USH2A: variants seen among roughly 807,000 people sequenced by gnomAD.
USH2A encodes the protein usherin, also known as Usher syndrome 2A (autosomal recessive, mild).
A neutral mutation model predicts 538.9 loss-of-function variants in USH2A; 443 were observed. The ratio of observed to expected loss-of-function variants is 0.82; its 90% CI spans 0.76 to 0.89. The LOEUF (loss-of-function observed/expected upper bound fraction) is 0.89, where lower values mean the gene tolerates loss of function less well. Ranked by LOEUF, USH2A falls within the 40% of genes least tolerant of loss-of-function variation. The pLI is 0.00. For synonymous variants in USH2A, 2,413 were observed against 2,273.5 expected (o/e 1.06, Z -1.75); for missense variants, 6,633 against 6,324.8 (o/e 1.05, Z -1.65).
At chr1:216,202,035 T>C (rs1379804382) in intron 16 of USH2A, among the ~76,000 whole-genome samples, 1 of 152,192 alleles carries the variant, frequency 6.6e-6, no homozygotes, top group African/African-American at 2.4e-5. Context: ...TAGATTAAAG[T>C]TACCCTTATC....
chr1:215,913,466 C>G (rs1665865686), intron 38 of USH2A, among the ~76,000 whole-genome samples: 1 of 151,938 alleles, frequency 6.6e-6, no homozygotes, highest in Admixed American at 6.6e-5. Context: ...GCCGGAAGCT[C>G]TATGGTGATC....
chr1:216,059,186 A>C (rs910595211), intron 30 of USH2A, among the ~76,000 whole-genome samples: 1 of 152,188 alleles, frequency 6.6e-6, no homozygotes, highest in Non-Finnish European at 1.5e-5. Flanking sequence ...ATATACATAC[A>C]TATATAGAGT....
chr1:215,956,420 AT>A (rs1667070881), intron 37 of USH2A, among the ~76,000 whole-genome samples: 1 of 152,098 alleles, frequency 6.6e-6, no homozygotes, highest in Non-Finnish European at 1.5e-5. Flanking sequence ...ATTTTATTTT[AT>A]TTTTTAAATT....
At chr1:215,871,132 C>T (rs1044785283) in intron 43 of USH2A, among the ~76,000 whole-genome samples, 1 of 152,028 alleles carries the variant, frequency 6.6e-6, no homozygotes, top group African/African-American at 2.4e-5. Context: ...AATAGTTTTT[C>T]CCCCATTTGC....
chr1:216,375,692 T>C (rs577767382), intron 3 of USH2A, among the ~76,000 whole-genome samples: 9 of 152,140 alleles, frequency 5.9e-5, no homozygotes, highest in Non-Finnish European at 1.0e-4. Flanking sequence ...AATTTTCCTT[T>C]GCATTCAACT....
At chr1:216,369,871 C>T (rs2038668559) in intron 3 of USH2A, among the ~76,000 whole-genome samples, 1 of 142,500 alleles carries the variant, frequency 7.0e-6, no homozygotes, top group Non-Finnish European at 1.5e-5. Context: ...TGCAGTGAGC[C>T]AAGATGGCGC....
At chr1:215,748,973 T>C (rs1470335870) in intron 58 of USH2A, among the ~76,000 whole-genome samples, 3 of 152,236 alleles carry the variant, frequency 2.0e-5, no homozygotes. Flanking sequence ...TTTGAATCCA[T>C]CTTTCATATA....
chr1:215,948,372 C>T (rs143005939), intron 37 of USH2A, among the ~76,000 whole-genome samples: 2 of 150,510 alleles, frequency 1.3e-5, no homozygotes, highest in African/African-American at 4.9e-5. Context: ...TGAAGATAAT[C>T]ATTGTTATTA....
At position 215,829,775 on chromosome 1, in the gene USH2A, T is replaced by C. The variant is rs190068218; in HGVS notation, c.9371+8216A>G. Among the ~76,000 whole-genome samples, 758 of 152,340 alleles carry C rather than the reference T, an allele frequency of 5.0e-3. 23 individuals carry two copies. The highest frequency in any genetic ancestry group is 0.046 in the Admixed American group (705 of 15,302). On this transcript the variant is annotated intron_variant, in intron 47 of 71. Coordinates refer to ENST00000307340, the MANE Select transcript of USH2A (RefSeq NM_206933.4). Reference sequence around the variant, plus strand: ...TTGCCTTTGGAAAATGTTACTCTGCTACTATGGATCATTTTAAGAAAGGAA... The same window carrying C: ...TTGCCTTTGGAAAATGTTACTCTGCCACTATGGATCATTTTAAGAAAGGAA...
At chr1:216,403,081 A>G (rs1040934092) in intron 3 of USH2A, among the ~76,000 whole-genome samples, 2 of 152,200 alleles carry the variant, frequency 1.3e-5, no homozygotes, top group African/African-American at 4.8e-5. Context: ...CTATAATTGT[A>G]TACTATGACC....
intron 46 of USH2A, among the ~76,000 whole-genome samples, chr1:215,841,066 C>T (rs1663664643): frequency 1.3e-5 from 2 of 152,100 alleles, no homozygotes; most frequent in African/African-American, 4.8e-5. Context: ...AATGGAAAAA[C>T]ATTCCATGCT....
chr1:215,730,823 C>T (rs553188351), intron 60 of USH2A, among the ~76,000 whole-genome samples: 12 of 152,240 alleles, frequency 7.9e-5, no homozygotes, highest in East Asian at 7.7e-4. Context: ...CACTACCATG[C>T]GTGAACCAGA....
At chr1:215,666,254 A>G (rs1402282160) in intron 64 of USH2A, among the ~76,000 whole-genome samples, 1 of 151,996 alleles carries the variant, frequency 6.6e-6, no homozygotes, top group Non-Finnish European at 1.5e-5. Flanking sequence ...AGAAAATAAA[A>G]CAACAATAAC....
chr1:216,165,780 A>G (rs1446913240), intron 21 of USH2A, among the ~76,000 whole-genome samples: 1 of 151,134 alleles, frequency 6.6e-6, no homozygotes, highest in Non-Finnish European at 1.5e-5. Context: ...ATTTCAGTCT[A>G]CATGAAACAT....
chr1:216,084,079 G>A (rs1571947245), intron 25 of USH2A, among the ~76,000 whole-genome samples: 1 of 152,094 alleles, frequency 6.6e-6, no homozygotes, highest in African/African-American at 2.4e-5. Context: ...GGTGCACCAA[G>A]CCACCATCAT....
intron 9 of USH2A, among the ~76,000 whole-genome samples, chr1:216,298,009 C>G (rs1319510061): frequency 3.3e-5 from 5 of 152,138 alleles, no homozygotes. Flanking sequence ...ACCTGATTCC[C>G]AATATTTTAA....
At chr1:216,327,685 A>G (rs1400542082) in intron 4 of USH2A, 31 bp from the exon 5 acceptor site, 1 of 1,611,942 alleles carries the variant, frequency 6.2e-7, no homozygotes, top group Admixed American at 1.7e-5. Flanking sequence ...ATAATATAAG[A>G]AGTCTCTGTT....
intron 24 of USH2A, among the ~76,000 whole-genome samples, chr1:216,085,672 G>A (rs1235556785): frequency 6.6e-6 from 1 of 151,884 alleles, no homozygotes; most frequent in Non-Finnish European, 1.5e-5. Flanking sequence ...CCTAGTACCT[G>A]AAGATACTAT....
At position 215,728,376 on chromosome 1, in the gene USH2A, G is replaced by C; in HGVS notation, c.11720C>G (p.Ala3907Gly). 1.2e-6 allele frequency: 2 copies of C among 1,614,032 alleles called. No homozygotes were observed. The highest frequency in any genetic ancestry group is 1.7e-6 in the Non-Finnish European group (2 of 1,180,006). The change falls in exon 61 of 72, where the codon GCT becomes GGT. Residue 3907 changes from alanine (A) to glycine (G), a missense_variant. By Grantham distance (60) the Ala-to-Gly change is moderately conservative. Transcript: ENST00000307340. The part of the protein sequence containing the change: ...IINYFIYRRP[A>G]GIEEESVLFV... ...TAAAACAGACTCCTCTTCAATGCCA[G>C]CAGGGCGTCTGAAAGGAAACCAAGC... is the stretch of plus-strand genomic sequence containing the variant.
Sources: allele counts gnomAD v4.1 joint callset (sites outside exome capture counted in the v4.1 genomes callset), GRCh38; gene constraint gnomAD v4.1.1; transcripts MANE v1.5; gene names NCBI Gene and HGNC (gene_info 2026-07-23, HGNC 2026-07-21).